The following AGPAT4 variants were observed in gnomAD, a reference collection of about 807,000 sequenced individuals.
AGPAT4 encodes the protein 1-acyl-sn-glycerol-3-phosphate acyltransferase delta.
AGPAT4 carries 15 observed loss-of-function variants against 48.0 expected under a neutral mutation model. The observed-to-expected ratio is 0.31, with a 90% confidence interval of 0.21 to 0.48. The LOEUF is 0.48. AGPAT4 is among the 20% of genes least tolerant of loss of function. The probability of loss-of-function intolerance (pLI) is 0.99; values close to 1 mark genes in which losing one functional copy is unlikely to be tolerated. For synonymous variants in AGPAT4, 178 were observed against 198.7 expected (o/e 0.90, Z 0.88); for missense variants, 314 against 482.5 (o/e 0.65, Z 3.27).
In AGPAT4 at chr6:161,219,557, G is replaced by A. The variant is rs929034077; in HGVS notation, c.178+12479C>T. Reference sequence around the variant, plus strand: ...AAACTCACAACCTAATTTAAAAGCCGTAACTTAAGTCAGAAGTGAAATTTA... The same window carrying A: ...AAACTCACAACCTAATTTAAAAGCCATAACTTAAGTCAGAAGTGAAATTTA... On this transcript the variant is annotated intron_variant, in intron 2 of 8. Coordinates refer to ENST00000320285, the MANE Select transcript of AGPAT4 (RefSeq NM_020133.3). The surrounding 1 kb of genome is among the most constrained non-coding windows in gnomAD (Gnocchi z 4.9). Among the ~76,000 whole-genome samples the A allele has an allele frequency of 7.9e-5, 12 of 152,070 alleles. No individual in the cohort carries two copies. Among genetic ancestry groups the A allele is most frequent in the African/African-American group, 1.7e-4 (7 of 41,418 alleles).
chr6:161,199,972 C>T (rs910596748), intron 2 of AGPAT4, among the ~76,000 whole-genome samples: 7 of 152,148 alleles, frequency 4.6e-5, no homozygotes, highest in African/African-American at 1.2e-4. Context: ...CTGAGAACAA[C>T]GGCTTGTTCC....
chr6:161,186,737 CA>C (rs1396615394), intron 2 of AGPAT4, among the ~76,000 whole-genome samples: 2 of 152,178 alleles, frequency 1.3e-5, no homozygotes. Context: ...CTCCCCACCG[CA>C]CTTCCTGAGC....
Position 161,216,774 on chromosome 6 carries a change from C to A in AGPAT4, c.178+15262G>T, listed in dbSNP as rs141089990. On this transcript the variant is annotated intron_variant, in intron 2 of 8. Coordinates refer to ENST00000320285, the MANE Select transcript of AGPAT4 (RefSeq NM_020133.3). The surrounding 1 kb of genome is among the most constrained non-coding windows in gnomAD (Gnocchi z 4.8). ...CAAAAGCGGAGACCCCTGATAAACC[C>A]ATCAGATCTCGTGAGACTTACTATC... Among the ~76,000 whole-genome samples, 93 of 152,264 alleles carry A rather than the reference C, an allele frequency of 6.1e-4. No individual in the cohort carries two copies. In the East Asian group the frequency reaches 0.012, roughly 19 times the overall value.
rs375011382 is a variant in AGPAT4, at chr6:161,228,661, T to TAAAAAAAAAAAAAAAA, written c.178+3359_178+3374dup. 5.7e-4 allele frequency among the ~76,000 whole-genome samples: 48 copies of TAAAAAAAAAAAAAAAA among 84,100 alleles called. 2 individuals carry two copies. Among genetic ancestry groups the TAAAAAAAAAAAAAAAA allele is most frequent in the Admixed American group, 1.2e-3 (9 of 7,808 alleles). The allele number at this position is 84,100 out of a possible 152,430, so 55.2% of individuals were successfully genotyped here. On this transcript the variant is annotated intron_variant, in intron 2 of 8. Transcript: ENST00000320285. ...TTTGAAACCCACAATGTCAGAGAGGTAAAAAAAAAAAAAAAAGCCAGTCTT... is the reference window on the plus strand; with the variant it reads ...TTTGAAACCCACAATGTCAGAGAGGTAAAAAAAAAAAAAAAAAAAAAAAAAAAAAAAAGCCAGTCTT...
rs769609356 is a variant in AGPAT4 at position 161,149,197 on chromosome 6, A to G, written c.757T>C (p.Leu253=). The G allele has an allele frequency of 1.6e-5, 26 of 1,612,372 alleles. No individual in the cohort carries two copies. Among genetic ancestry groups the G allele is most frequent in the Non-Finnish European group, 2.0e-5 (24 of 1,179,688 alleles). Residue 253 remains leucine (L), a synonymous_variant, in exon 6 of 9, where the codon TTG becomes CTG. Coordinates refer to ENST00000320285, the MANE Select transcript of AGPAT4 (RefSeq NM_020133.3). The surrounding 1 kb of genome is among the most constrained non-coding windows in gnomAD (Gnocchi z 6.5). ...VLNGKKYHAD[L]YVRRIPLEDI... The stretch of plus-strand genomic sequence containing the variant: ...AACAGTTCGACTTACCTAACATACA[A>G]ATCTGCATGGTATTTCTTTCCGTTT...
intron 2 of AGPAT4, among the ~76,000 whole-genome samples, chr6:161,205,555 T>C (rs1781357078): frequency 6.6e-6 from 1 of 152,164 alleles, no homozygotes; most frequent in Non-Finnish European, 1.5e-5. Flanking sequence ...ACTTGGTTTC[T>C]ACTCAGGATG....
Position 161,138,982 on chromosome 6 carries a change from C to T in AGPAT4, c.1042+440G>A, listed in dbSNP as rs1583272472. Among the ~76,000 whole-genome samples the T allele has an allele frequency of 6.6e-6, 1 of 152,210 alleles. No homozygotes were observed. The highest frequency in any genetic ancestry group is 2.1e-4 in the South Asian group (1 of 4,830). On this transcript the variant is annotated intron_variant, in intron 8 of 8. Transcript: ENST00000320285. This position sits in a 1 kb window ranked among gnomAD's most constrained non-coding sequence, Gnocchi z 4.8. ...GAGTGTCTCCACTCAGTGTCATCCACCTGCAGCAAAGGAGAAGCCACAGGC... is the reference window on the plus strand; with the variant it reads ...GAGTGTCTCCACTCAGTGTCATCCATCTGCAGCAAAGGAGAAGCCACAGGC...
intron 2 of AGPAT4, among the ~76,000 whole-genome samples, chr6:161,228,377 T>C (rs1188673956): frequency 6.6e-6 from 1 of 152,128 alleles, no homozygotes; most frequent in Admixed American, 6.5e-5. Context: ...CCAACAGCCG[T>C]TTAAAACCAT....
rs958372690 is a variant in AGPAT4 at position 161,255,153 on chromosome 6, A to G, written c.-90+18785T>C. Among the ~76,000 whole-genome samples, 2 of 152,160 alleles carry G rather than the reference A, an allele frequency of 1.3e-5. No individual in the cohort carries two copies. Among genetic ancestry groups the G allele is most frequent in the Admixed American group, 6.5e-5 (1 of 15,276 alleles). ...CAGCTACTTCATCTTTCCCTGTAAT[A>G]CCTCACACATCCAGTTCTCCTTCAT... On this transcript the variant is annotated intron_variant, in intron 1 of 8. Transcript: ENST00000320285. The surrounding 1 kb of genome is among the most constrained non-coding windows in gnomAD (Gnocchi z 4.7).
rs1281925993 is a variant in AGPAT4, at chr6:161,164,609, T to C, written c.348+1639A>G. Among the ~76,000 whole-genome samples the C allele has an allele frequency of 1.3e-5, 2 of 152,190 alleles. No homozygotes were observed. The highest frequency in any genetic ancestry group is 6.5e-5 in the Admixed American group (1 of 15,272). The stretch of plus-strand genomic sequence containing the variant: ...GCTTTGAAAGCAGACTTAGGAGCTA[T>C]TGTCCTCGGGCAAATCACTCAGCCA... On this transcript the variant is annotated intron_variant, in intron 3 of 8. Transcript: ENST00000320285. The surrounding 1 kb of genome is among the most constrained non-coding windows in gnomAD (Gnocchi z 7.4).
chr6:161,265,756 T>A (rs1783243215), intron 1 of AGPAT4, among the ~76,000 whole-genome samples: 1 of 152,078 alleles, frequency 6.6e-6, no homozygotes, highest in South Asian at 2.1e-4. Flanking sequence ...AGGGGTCCTA[T>A]CAGGCCACCG....
At chr6:161,153,788 A>AGGTCACACATAGCCCTGG (rs1562315012) in intron 4 of AGPAT4, among the ~76,000 whole-genome samples, 12 of 109,572 alleles carry the variant, frequency 1.1e-4, no homozygotes, top group Middle Eastern at 5.7e-3. Flanking sequence ...TACAGCCCTG[A>AGGTCACACATAGCCCTGG]GGTCACACAT....
At position 161,255,017 on chromosome 6, in the gene AGPAT4, A is replaced by C. The variant is rs1782909127; in HGVS notation, c.-90+18921T>G. 2.0e-5 allele frequency among the ~76,000 whole-genome samples: 3 copies of C among 152,204 alleles called. No homozygotes were observed. Among genetic ancestry groups the C allele is most frequent in the African/African-American group, 7.2e-5 (3 of 41,450 alleles). On this transcript the variant is annotated intron_variant, in intron 1 of 8. Coordinates refer to ENST00000320285, the MANE Select transcript of AGPAT4 (RefSeq NM_020133.3). The surrounding 1 kb of genome is among the most constrained non-coding windows in gnomAD (Gnocchi z 4.7). ...GTTCTTATCGTTCCGAGGCCATTGC[A>C]GAGCCAGATACGGTTACACAGCCCT...
At chr6:161,162,868 G>A (rs1779976978) in intron 3 of AGPAT4, among the ~76,000 whole-genome samples, 1 of 152,246 alleles carries the variant, frequency 6.6e-6, no homozygotes, top group African/African-American at 2.4e-5. Context: ...TAAGCAAATG[G>A]GGACGTGAAG....
chr6:161,135,046 C>T lies in AGPAT4; in HGVS notation c.*1494G>A, dbSNP rs943760801. 2.0e-5 allele frequency: 3 copies of T among 152,160 alleles called. No homozygotes were observed. The highest frequency in any genetic ancestry group is 4.4e-5 in the Non-Finnish European group (3 of 68,044). 9.4% of individuals were successfully genotyped at this position (152,160 alleles called of 1,614,324 possible). ...ATTGTCCTGTAAGCAGAGGGAGCTT[C>T]TCTAGAGCTGTCTTGTAACTCCTTG... On this transcript the variant is annotated 3_prime_UTR_variant, in exon 9 of 9. Coordinates refer to ENST00000320285, the MANE Select transcript of AGPAT4 (RefSeq NM_020133.3).
At position 161,242,882 on chromosome 6, in the gene AGPAT4, A is replaced by G. The variant is rs1384842490; in HGVS notation, c.-89-10580T>C. ...CAGGAGATCGAGGCCAGCCTGGCCA[A>G]CATAGTGAAACCCCGTCTCTACTAA... On this transcript the variant is annotated intron_variant, in intron 1 of 8. Transcript: ENST00000320285. This position sits in a 1 kb window ranked among gnomAD's most constrained non-coding sequence, Gnocchi z 5.0. Among the ~76,000 whole-genome samples, 1 of 152,090 alleles carries G rather than the reference A, an allele frequency of 6.6e-6. No individual in the cohort carries two copies. Among genetic ancestry groups the G allele is most frequent in the Non-Finnish European group, 1.5e-5 (1 of 68,022 alleles).
At position 161,142,055 on chromosome 6, in the gene AGPAT4, T is replaced by C. The variant is rs1205226401; in HGVS notation, c.844-2435A>G. On this transcript the variant is annotated intron_variant, in intron 7 of 8. Coordinates refer to ENST00000320285, the MANE Select transcript of AGPAT4 (RefSeq NM_020133.3). The surrounding 1 kb of genome is among the most constrained non-coding windows in gnomAD (Gnocchi z 6.4). The stretch of plus-strand genomic sequence containing the variant: ...TTTTTGTAGAGATAGGGTTTTACCA[T>C]GTTGGCCAGGCTGGTATTGAACTCC... Among the ~76,000 whole-genome samples the C allele has an allele frequency of 1.3e-5, 2 of 152,198 alleles. No homozygotes were observed. The highest frequency in any genetic ancestry group is 2.9e-5 in the Non-Finnish European group (2 of 68,042).
intron 1 of AGPAT4, among the ~76,000 whole-genome samples, chr6:161,250,853 A>T (rs1011992976): frequency 6.6e-6 from 1 of 152,190 alleles, no homozygotes; most frequent in Admixed American, 6.5e-5. Flanking sequence ...ATTAAACTGC[A>T]TTTCTGAATG....
chr6:161,257,288 C>A (rs1782968791), intron 1 of AGPAT4, among the ~76,000 whole-genome samples: 1 of 152,210 alleles, frequency 6.6e-6, no homozygotes, highest in Admixed American at 6.5e-5. Flanking sequence ...ACGGGTGGAT[C>A]TCAAGCATAT....
Sources: gnomAD v4.1 joint callset for allele counts (sites outside exome capture counted in the v4.1 genomes callset) on GRCh38, gnomAD v4.1.1 for gene constraint, Gnocchi (gnomAD v3.1) non-coding constraint, MANE v1.5 for transcripts, NCBI Gene and HGNC (gene_info 2026-07-23, HGNC 2026-07-21) for gene names.